NSMCE2: variants seen among roughly 807,000 people sequenced by gnomAD.
NSMCE2 encodes the protein NSE2 SUMO ligase component of SMC5/6 complex.
Under a neutral mutation model 23.8 loss-of-function variants are expected in NSMCE2, and 24 were observed. The observed-to-expected ratio is 1.01, with a 90% CI of 0.73 to 1.42. NSMCE2 has a LOEUF of 1.42. NSMCE2 is among the 40% of genes most tolerant of loss of function. The probability of loss-of-function intolerance (pLI) is 0.00; values close to 1 mark genes in which losing one functional copy is unlikely to be tolerated. For missense variants in NSMCE2, 284 were observed against 296.5 expected (o/e 0.96, Z 0.31); for synonymous variants, 92 against 94.1 (o/e 0.98, Z 0.13).
rs772950501 is a variant in NSMCE2 at position 125,204,876 on chromosome 8, G to C, written c.418+22620G>C. Reference sequence around the variant, plus strand: ...TATGCTCCCAGCTCTAACTAGATCCGGCCAGTTTCTACCAGAATGATCATT... The same window carrying C: ...TATGCTCCCAGCTCTAACTAGATCCCGCCAGTTTCTACCAGAATGATCATT... On this transcript the variant is annotated intron_variant, in intron 5 of 7. Transcript: ENST00000287437. 2.6e-5 allele frequency among the ~76,000 whole-genome samples: 4 copies of C among 152,034 alleles called. No homozygotes were observed. In the South Asian group the frequency reaches 8.3e-4, roughly 32 times the overall value.
intron 5 of NSMCE2, among the ~76,000 whole-genome samples, chr8:125,184,343 ATTAC>A (rs1822972375): frequency 6.6e-6 from 1 of 151,710 alleles, no homozygotes; most frequent in African/African-American, 2.4e-5. Flanking sequence ...AATCATGGCT[ATTAC>A]TTCTTAAATC....
chr8:125,130,335 C>T (rs1819709223), intron 3 of NSMCE2: 1 of 449,688 alleles, frequency 2.2e-6, no homozygotes, highest in African/African-American at 2.0e-5. Flanking sequence ...TAGTGTTTGT[C>T]AAGTTTCTTT....
At chr8:125,238,873 G>A (rs1481717519) in intron 5 of NSMCE2, among the ~76,000 whole-genome samples, 4 of 152,034 alleles carry the variant, frequency 2.6e-5, no homozygotes, top group Non-Finnish European at 4.4e-5. Context: ...GACACTGTGG[G>A]GTTATTAGTA....
intron 3 of NSMCE2, among the ~76,000 whole-genome samples, chr8:125,107,409 G>A (rs1277451854): frequency 6.6e-6 from 1 of 151,958 alleles, no homozygotes; most frequent in Non-Finnish European, 1.5e-5. Flanking sequence ...GTCCAGGGTG[G>A]TCTTGAACTC....
chr8:125,309,449 G>T (rs1348225413), intron 5 of NSMCE2, among the ~76,000 whole-genome samples: 1 of 151,756 alleles, frequency 6.6e-6, no homozygotes, highest in East Asian at 2.0e-4. Context: ...AAGATCAGGT[G>T]CAGTGGCTTA....
rs141777661 is a variant in NSMCE2, at chr8:125,300,383, G to A, written c.419-56836G>A. ...TCACCATGTTGCCCAGGCTGGTCTCGAACTCCTGAACTCAAGTGATCCTCT... is the reference window on the plus strand; with the variant it reads ...TCACCATGTTGCCCAGGCTGGTCTCAAACTCCTGAACTCAAGTGATCCTCT... On this transcript the variant is annotated intron_variant, in intron 5 of 7. Transcript: ENST00000287437. 2.2e-3 allele frequency among the ~76,000 whole-genome samples: 333 copies of A among 151,738 alleles called. 1 individual carries two copies. Among genetic ancestry groups the A allele is most frequent in the African/African-American group, 7.3e-3 (303 of 41,382 alleles).
chr8:125,175,968 G>A (rs1822469294), intron 4 of NSMCE2, among the ~76,000 whole-genome samples: 1 of 152,138 alleles, frequency 6.6e-6, no homozygotes. Flanking sequence ...TATGGACAGA[G>A]CCATTTGGAG....
intron 3 of NSMCE2, among the ~76,000 whole-genome samples, chr8:125,124,438 A>G (rs1819415670): frequency 2.0e-5 from 3 of 151,774 alleles, no homozygotes; most frequent in Admixed American, 6.6e-5. Flanking sequence ...TTGTTCTCAT[A>G]TTTTGATTTT....
At chr8:125,297,854 C>A (rs1214658524) in intron 5 of NSMCE2, among the ~76,000 whole-genome samples, 1 of 151,480 alleles carries the variant, frequency 6.6e-6, no homozygotes, top group Non-Finnish European at 1.5e-5. Context: ...TTATTGATTA[C>A]TTTTACAATA....
At chr8:125,258,724 A>G (rs1826549112) in intron 5 of NSMCE2, among the ~76,000 whole-genome samples, 1 of 152,190 alleles carries the variant, frequency 6.6e-6, no homozygotes, top group African/African-American at 2.4e-5. Context: ...GATGAGGGTA[A>G]TGGAGAGAGG....
In NSMCE2 at chr8:125,109,828, T is replaced by C. The variant is rs1220125722; in HGVS notation, c.157+7341T>C. ...TAGGCAATTAGACTCACCACTACCATGTTTATTCATTTTTCTCTAAATTTG... is the reference window on the plus strand; with the variant it reads ...TAGGCAATTAGACTCACCACTACCACGTTTATTCATTTTTCTCTAAATTTG... On this transcript the variant is annotated intron_variant, in intron 3 of 7. Coordinates refer to ENST00000287437, the MANE Select transcript of NSMCE2 (RefSeq NM_173685.4). Among the ~76,000 whole-genome samples, 4 of 152,300 alleles carry C rather than the reference T, an allele frequency of 2.6e-5. No individual in the cohort carries two copies. In the East Asian group the frequency reaches 7.7e-4, roughly 29 times the overall value.
intron 5 of NSMCE2, among the ~76,000 whole-genome samples, chr8:125,230,979 A>G (rs1018208229): frequency 5.9e-5 from 9 of 152,220 alleles, no homozygotes; most frequent in Non-Finnish European, 1.3e-4. Context: ...CTGATAGAGG[A>G]TTAATGCATT....
intron 4 of NSMCE2, among the ~76,000 whole-genome samples, chr8:125,177,934 T>C (rs555298172): frequency 6.6e-6 from 1 of 152,322 alleles, no homozygotes; most frequent in East Asian, 1.9e-4. Flanking sequence ...GCTGCTTTCC[T>C]CAAGACAATA....
intron 5 of NSMCE2, among the ~76,000 whole-genome samples, chr8:125,237,221 A>G (rs1474832115): frequency 2.0e-5 from 3 of 152,202 alleles, no homozygotes; most frequent in Admixed American, 2.0e-4. Context: ...GTGAACACCT[A>G]ATAGATTAAG....
intron 4 of NSMCE2, among the ~76,000 whole-genome samples, chr8:125,167,247 A>G (rs1414151458): frequency 6.6e-6 from 1 of 152,210 alleles, no homozygotes; most frequent in East Asian, 1.9e-4. Context: ...ATGTAGAAGA[A>G]AGTTGAGATT....
At chr8:125,127,295 A>G (rs1819561013) in intron 3 of NSMCE2, among the ~76,000 whole-genome samples, 1 of 152,150 alleles carries the variant, frequency 6.6e-6, no homozygotes. Context: ...AGGATGGGGA[A>G]TGGCACTGAG....
At chr8:125,258,850 G>A (rs191021879) in intron 5 of NSMCE2, among the ~76,000 whole-genome samples, 1 of 152,328 alleles carries the variant, frequency 6.6e-6, no homozygotes, top group East Asian at 1.9e-4. Context: ...ACAAGACATT[G>A]TGGTCACACA....
chr8:125,111,382 C>G (rs74871622), intron 3 of NSMCE2, among the ~76,000 whole-genome samples: 4,052 of 152,102 alleles, frequency 0.027, 198 homozygotes, highest in African/African-American at 0.093. Context: ...ATTCTTAAAT[C>G]TAGAAATTTG....
intron 5 of NSMCE2, among the ~76,000 whole-genome samples, chr8:125,316,655 TTTCCTTCCTTCC>T: frequency 1.4e-5 from 1 of 71,644 alleles, no homozygotes; most frequent in Non-Finnish European, 4.1e-5. Flanking sequence ...TCTTTCCTTC[TTTCCTTCCTTCC>T]TTCTTTCCTT....
Sources: allele counts gnomAD v4.1 joint callset (sites outside exome capture counted in the v4.1 genomes callset), GRCh38; gene constraint gnomAD v4.1.1; transcripts MANE v1.5; gene names NCBI Gene and HGNC (gene_info 2026-07-23, HGNC 2026-07-21).